The following GRIK2 variants were observed in gnomAD, a reference collection of about 807,000 sequenced individuals.
GRIK2 encodes the protein glutamate ionotropic receptor kainate type subunit 2.
Under a neutral mutation model 100.3 loss-of-function variants are expected in GRIK2, and 32 were observed. The ratio of observed to expected loss-of-function variants is 0.32; its 90% CI spans 0.24 to 0.43. GRIK2 has a LOEUF of 0.43. Ranked by LOEUF, GRIK2 falls within the 20% of genes least tolerant of loss-of-function variation. GRIK2 has a pLI of 1.00. For synonymous variants in GRIK2, 417 were observed against 389.4 expected, an observed-to-expected ratio of 1.07 and a Z score of -0.83; for missense variants, 843 against 1,114.9, an observed-to-expected ratio of 0.76 and a Z score of 3.47.
intron 2 of GRIK2, among the ~76,000 whole-genome samples, chr6:101,606,834 CTTTG>C (rs1201562417): frequency 6.6e-6 from 1 of 151,880 alleles, no homozygotes; most frequent in African/African-American, 2.4e-5. Context: ...GGAAAAATGG[CTTTG>C]TTTAAGTTTG....
chr6:101,656,297 C>A (rs1238554832), intron 4 of GRIK2, among the ~76,000 whole-genome samples: 5 of 143,204 alleles, frequency 3.5e-5, no homozygotes, highest in African/African-American at 1.3e-4. Context: ...GAGAGAGACT[C>A]CATCCAAAAA....
chr6:101,506,133 C>A (rs1222475603), intron 2 of GRIK2, among the ~76,000 whole-genome samples: 1 of 152,058 alleles, frequency 6.6e-6, no homozygotes, highest in East Asian at 1.9e-4. Context: ...GGTCTAAGCT[C>A]ATTTGCAAAG....
At chr6:101,467,640 G>T (rs1162137083) in intron 2 of GRIK2, among the ~76,000 whole-genome samples, 4 of 152,206 alleles carry the variant, frequency 2.6e-5, no homozygotes, top group African/African-American at 7.2e-5. Flanking sequence ...AAAAATTTGT[G>T]TTAGAACACT....
chr6:101,750,887 CTT>C (rs902333589), intron 7 of GRIK2, among the ~76,000 whole-genome samples: 24 of 152,274 alleles, frequency 1.6e-4, no homozygotes, highest in African/African-American at 5.8e-4. Context: ...CATTTCATGA[CTT>C]TTCTAGAATT....
chr6:101,661,076 A>C (rs1214017463), intron 4 of GRIK2, among the ~76,000 whole-genome samples: 2 of 152,178 alleles, frequency 1.3e-5, no homozygotes, highest in Non-Finnish European at 2.9e-5. Context: ...CTGTGCCCAC[A>C]GCTGCCCCTT....
At chr6:101,653,676 A>G (rs189348540) in intron 4 of GRIK2, among the ~76,000 whole-genome samples, 1 of 151,732 alleles carries the variant, frequency 6.6e-6, no homozygotes, top group African/African-American at 2.4e-5. Context: ...AGGCTGGAGT[A>G]CAGTGGCACT....
chr6:101,978,107 G>T (rs1479048721), intron 14 of GRIK2, among the ~76,000 whole-genome samples: 1 of 151,868 alleles, frequency 6.6e-6, no homozygotes, highest in Non-Finnish European at 1.5e-5. Context: ...TATAGTCAGA[G>T]ACTAAGTCCA....
At chr6:101,957,934 TGTA>T (rs1281101519) in intron 14 of GRIK2, among the ~76,000 whole-genome samples, 3 of 152,098 alleles carry the variant, frequency 2.0e-5, no homozygotes, top group African/African-American at 7.2e-5. Flanking sequence ...ACTGTAACCT[TGTA>T]GTATATTTTA....
intron 10 of GRIK2, among the ~76,000 whole-genome samples, chr6:101,829,578 GT>G (rs77247298): frequency 0.11 from 16,666 of 151,826 alleles, 1,826 homozygotes; most frequent in East Asian, 0.61. Flanking sequence ...ACACAAATCA[GT>G]TGCATTTTTA....
chr6:101,784,227 G>A (rs1779284555), intron 7 of GRIK2, among the ~76,000 whole-genome samples: 1 of 152,222 alleles, frequency 6.6e-6, no homozygotes, highest in Admixed American at 6.5e-5. Flanking sequence ...CCAGGGCCCT[G>A]CTACTCTATG....
chr6:101,453,530 A>G (rs1374363987), intron 2 of GRIK2, among the ~76,000 whole-genome samples: 1 of 151,986 alleles, frequency 6.6e-6, no homozygotes, highest in East Asian at 1.9e-4. Flanking sequence ...GACGTGTTAC[A>G]TGGCCAAAAA....
Position 101,757,390 on chromosome 6 carries a change from T to G in GRIK2, c.952-42258T>G, listed in dbSNP as rs1583084103. ...GAAAAATCATGAATATGTTAAATTA[T>G]TAAAATGTAAACAAAATTGGACAAT... On this transcript the variant is annotated intron_variant, in intron 7 of 16. Coordinates refer to ENST00000369134, the MANE Select transcript of GRIK2 (RefSeq NM_021956.5). Among the ~76,000 whole-genome samples the G allele has an allele frequency of 2.6e-5, 4 of 152,264 alleles. No homozygotes were observed. The South Asian group carries it at 8.3e-4, about 32-fold the overall frequency.
chr6:101,782,821 G>T (rs903869632), intron 7 of GRIK2, among the ~76,000 whole-genome samples: 13 of 150,340 alleles, frequency 8.6e-5, no homozygotes, highest in African/African-American at 2.9e-4. Flanking sequence ...TACATTCCCA[G>T]TGATATGGTT....
chr6:101,692,250 A>G (rs1229705126), intron 7 of GRIK2, among the ~76,000 whole-genome samples: 1 of 152,130 alleles, frequency 6.6e-6, no homozygotes, highest in Non-Finnish European at 1.5e-5. Flanking sequence ...GTAATGGATC[A>G]AACCAACTCA....
intron 14 of GRIK2, among the ~76,000 whole-genome samples, chr6:101,987,141 G>A (rs931255897): frequency 2.0e-5 from 3 of 151,758 alleles, no homozygotes; most frequent in African/African-American, 2.4e-5. Context: ...ACAGAGAAAG[G>A]CATTGTCTCT....
chr6:101,963,588 G>A (rs1396226690), intron 14 of GRIK2, among the ~76,000 whole-genome samples: 5 of 136,784 alleles, frequency 3.7e-5, no homozygotes, highest in Middle Eastern at 4.1e-3. Flanking sequence ...TCCTGACCTC[G>A]TGATCCACCC....
At chr6:101,753,568 A>G (rs1776936990) in intron 7 of GRIK2, among the ~76,000 whole-genome samples, 1 of 152,084 alleles carries the variant, frequency 6.6e-6, no homozygotes, top group Admixed American at 6.5e-5. Context: ...GATATACTTA[A>G]GAACACTCAT....
chr6:101,579,859 A>C (rs1162258804), intron 2 of GRIK2, among the ~76,000 whole-genome samples: 1 of 151,776 alleles, frequency 6.6e-6, no homozygotes, highest in African/African-American at 2.4e-5. Context: ...TAAAAAAAAA[A>C]AAAAAAAAAG....
chr6:101,497,541 C>T (rs1336900572), intron 2 of GRIK2, among the ~76,000 whole-genome samples: 6 of 151,758 alleles, frequency 4.0e-5, no homozygotes, highest in Non-Finnish European at 7.4e-5. Flanking sequence ...AAGGTGATAA[C>T]ATTTTTGTTC....
Sources: gnomAD v4.1 joint callset for allele counts (sites outside exome capture counted in the v4.1 genomes callset) on GRCh38, gnomAD v4.1.1 for gene constraint, MANE v1.5 for transcripts, NCBI Gene and HGNC (gene_info 2026-07-23, HGNC 2026-07-21) for gene names.